Variants in DLGAP2 observed in about 807,000 individuals in gnomAD.
DLGAP2 encodes the protein DLG associated protein 2, also known as disks large-associated protein 2.
In DLGAP2, 26 loss-of-function variants were observed where a neutral mutation model predicts 100.3. That is an observed-to-expected ratio of 0.26 (90% CI 0.19 to 0.36). The LOEUF is 0.36. DLGAP2 is among the 10% of genes least tolerant of loss of function. DLGAP2 has a pLI of 1.00. For synonymous variants in DLGAP2, 886 were observed against 630.1 expected (o/e 1.41, Z -6.08); for missense variants, 1,858 against 1,453.2 (o/e 1.28, Z -4.53).
intron 4 of DLGAP2, among the ~76,000 whole-genome samples, chr8:1,515,329 G>A (rs1800330184): frequency 6.6e-6 from 1 of 152,162 alleles, no homozygotes; most frequent in South Asian, 2.1e-4. Flanking sequence ...ACAGAGAAAA[G>A]GAGTCCTCTC....
chr8:1,381,067 C>T (rs1311650169), intron 3 of DLGAP2: 1 of 150,756 alleles, frequency 6.6e-6, no homozygotes, highest in Admixed American at 6.6e-5. Context: ...CAAAATTAGA[C>T]TTAAGAGGCC....
chr8:1,334,681 C>T (rs994480539), intron 3 of DLGAP2, among the ~76,000 whole-genome samples: 5 of 152,262 alleles, frequency 3.3e-5, no homozygotes, highest in African/African-American at 1.2e-4. Context: ...GCATTCTCGG[C>T]ACTCCAGGGT....
intron 2 of DLGAP2, among the ~76,000 whole-genome samples, chr8:1,175,118 C>T (rs756515047): frequency 3.2e-4 from 49 of 152,114 alleles, no homozygotes; most frequent in South Asian, 6.2e-4. Context: ...TACCTTCTGT[C>T]TTCAGATCTG....
intron 2 of DLGAP2, among the ~76,000 whole-genome samples, chr8:1,133,362 C>G (rs1796337706): frequency 6.6e-6 from 1 of 152,046 alleles, no homozygotes; most frequent in Non-Finnish European, 1.5e-5. Context: ...ATTCATCTTT[C>G]TGTAAAACCA....
chr8:1,528,446 G>T (rs1800869334), intron 4 of DLGAP2, among the ~76,000 whole-genome samples: 1 of 152,240 alleles, frequency 6.6e-6, no homozygotes, highest in Non-Finnish European at 1.5e-5. Context: ...AGCACTGGGA[G>T]ATCTCACATC....
chr8:798,044 C>G (rs940312564), intron 1 of DLGAP2, among the ~76,000 whole-genome samples: 3 of 152,234 alleles, frequency 2.0e-5, no homozygotes, highest in African/African-American at 7.2e-5. Flanking sequence ...GCCACCACGC[C>G]TGGCCAGTCT....
Position 993,737 on chromosome 8 carries a change from G to A in DLGAP2, c.73+85771G>A, listed in dbSNP as rs558526203. On this transcript the variant is annotated intron_variant, in intron 2 of 14. Transcript: ENST00000637795. ...ATATTTCAACATAGTGGCCAGAGGA[G>A]CAGTTCTCTAGATGCAGACTTTAAG... Among the ~76,000 whole-genome samples, 18 of 150,092 alleles carry A rather than the reference G, an allele frequency of 1.2e-4. No individual in the cohort carries two copies. The South Asian group carries it at 2.3e-3, about 20-fold the overall frequency.
At chr8:1,148,256 T>A (rs1181075278) in intron 2 of DLGAP2, among the ~76,000 whole-genome samples, 1 of 152,198 alleles carries the variant, frequency 6.6e-6, no homozygotes, top group Non-Finnish European at 1.5e-5. Context: ...GAAAATTAGT[T>A]ACACCACCCT....
chr8:1,545,103 G>C (rs1039641080), intron 4 of DLGAP2, among the ~76,000 whole-genome samples: 1 of 151,966 alleles, frequency 6.6e-6, no homozygotes, highest in African/African-American at 2.4e-5. Context: ...GTCTTTATCT[G>C]GCTTTGCTAG....
chr8:1,373,267 C>A (rs1217841212), intron 3 of DLGAP2, among the ~76,000 whole-genome samples: 2 of 150,532 alleles, frequency 1.3e-5, no homozygotes, highest in African/African-American at 2.4e-5. Context: ...GCCGCCGCCA[C>A]GCGCGTGCGG....
intron 2 of DLGAP2, among the ~76,000 whole-genome samples, chr8:913,904 G>A (rs552520557): frequency 3.9e-5 from 6 of 152,222 alleles, no homozygotes; most frequent in Middle Eastern, 6.3e-3. Context: ...CTGTGGGCAC[G>A]GCCCCCGGAG....
At position 1,013,517 on chromosome 8, in the gene DLGAP2, G is replaced by C. The variant is rs150898002; in HGVS notation, c.73+105551G>C. Among the ~76,000 whole-genome samples, 562 of 152,100 alleles carry C rather than the reference G, an allele frequency of 3.7e-3. 3 individuals carry two copies. Among genetic ancestry groups the C allele is most frequent in the African/African-American group, 0.013 (535 of 41,362 alleles). ...AGCATCACAGGGTCTCTGTGGGGGC[G>C]TGATGGGGGTGGGTGATGATGTTGC... On this transcript the variant is annotated intron_variant, in intron 2 of 14. Transcript: ENST00000637795.
chr8:827,303 G>A (rs943353954), intron 1 of DLGAP2, among the ~76,000 whole-genome samples: 1 of 152,192 alleles, frequency 6.6e-6, no homozygotes, highest in African/African-American at 2.4e-5. Context: ...AGAACTGTTT[G>A]TCTTCAATGT....
At chr8:858,883 C>A (rs1364232533) in intron 1 of DLGAP2, among the ~76,000 whole-genome samples, 2 of 152,138 alleles carry the variant, frequency 1.3e-5, no homozygotes, top group African/African-American at 2.4e-5. Context: ...AATCAGTGGA[C>A]TTAATAATTA....
chr8:1,663,014 G>C (rs1161202378), intron 8 of DLGAP2, among the ~76,000 whole-genome samples: 2 of 148,238 alleles, frequency 1.3e-5, no homozygotes, highest in South Asian at 2.2e-4. Flanking sequence ...GTGTGTGTGT[G>C]TATACCTGTG....
intron 3 of DLGAP2, among the ~76,000 whole-genome samples, chr8:1,292,014 G>C (rs909818911): frequency 6.6e-6 from 1 of 152,244 alleles, no homozygotes; most frequent in African/African-American, 2.4e-5. Context: ...GCAAATGCTA[G>C]GGGTTGAAAT....
intron 2 of DLGAP2, among the ~76,000 whole-genome samples, chr8:1,185,414 G>T (rs75774322): frequency 6.6e-6 from 1 of 151,992 alleles, no homozygotes; most frequent in African/African-American, 2.4e-5. Flanking sequence ...CCCTAAGGCC[G>T]GTCAGCTTTG....
At chr8:839,489 A>G (rs1018429823) in intron 1 of DLGAP2, among the ~76,000 whole-genome samples, 5 of 152,202 alleles carry the variant, frequency 3.3e-5, no homozygotes, top group Non-Finnish European at 7.3e-5. Flanking sequence ...GACAAATGCC[A>G]CCTGTGCTCA....
At position 857,160 on chromosome 8, in the gene DLGAP2, C is replaced by G. The variant is rs540091845; in HGVS notation, c.19-50752C>G. Among the ~76,000 whole-genome samples the G allele has an allele frequency of 9.2e-5, 14 of 152,322 alleles. No homozygotes were observed. The South Asian group carries it at 1.9e-3, about 20-fold the overall frequency. ...AACAGATGGTGTGGAGCAATGGGAC[C>G]TCCATGTGCAACAAAATGAACCCAG... On this transcript the variant is annotated intron_variant, in intron 1 of 14. Transcript: ENST00000637795.
Sources: allele counts gnomAD v4.1 joint callset (sites outside exome capture counted in the v4.1 genomes callset), GRCh38; gene constraint gnomAD v4.1.1; transcripts MANE v1.5; gene names NCBI Gene and HGNC (gene_info 2026-07-23, HGNC 2026-07-21).